Variants in PTPN21 observed in about 807,000 individuals in gnomAD.
The protein encoded by PTPN21 is tyrosine-protein phosphatase non-receptor type 21.
In PTPN21, 77 loss-of-function variants were observed where a neutral mutation model predicts 131.8. The ratio of observed to expected loss-of-function variants is 0.58; its 90% CI spans 0.49 to 0.71. The LOEUF is 0.71. Ranked by LOEUF, PTPN21 falls within the 30% of genes least tolerant of loss-of-function variation. PTPN21 has a pLI of 0.00. For synonymous variants in PTPN21, 715 were observed against 621.3 expected (o/e 1.15, Z -2.24); for missense variants, 1,552 against 1,527.1 (o/e 1.02, Z -0.27).
In PTPN21 at chr14:88,479,958, G is replaced by A. The variant is rs1217289143; in HGVS notation, c.1473C>T (p.Tyr491=). ...YAYSRPAALV[Y]SQPEIREHAQ... ...CGTGCTCGCGGATCTCGGGCTGGCT[G>A]TAGACCAGCGCCGCGGGCCTGCTGT... Residue 491 remains tyrosine (Y), a synonymous_variant, in exon 13 of 19, where the codon TAC becomes TAT. Transcript: ENST00000556564. 1.9e-6 allele frequency: 3 copies of A among 1,608,470 alleles called. No individual in the cohort carries two copies. The highest frequency in any genetic ancestry group is 1.1e-5 in the South Asian group (1 of 91,070).
At chr14:88,519,440 C>T (rs2078356243) in intron 2 of PTPN21, among the ~76,000 whole-genome samples, 1 of 152,076 alleles carries the variant, frequency 6.6e-6, no homozygotes, top group Non-Finnish European at 1.5e-5. Context: ...TAATATTATA[C>T]AATTTTAATT....
intron 2 of PTPN21, among the ~76,000 whole-genome samples, chr14:88,535,912 C>T (rs549379115): frequency 1.5e-4 from 23 of 152,162 alleles, no homozygotes; most frequent in Non-Finnish European, 2.4e-4. Context: ...TAATGGAGTT[C>T]GTTTAATTGT....
At chr14:88,474,334 C>T (rs1041371360) in intron 13 of PTPN21, among the ~76,000 whole-genome samples, 2 of 151,934 alleles carry the variant, frequency 1.3e-5, no homozygotes, top group Admixed American at 6.6e-5. Context: ...GGACTACCAG[C>T]ACATGCCACC....
intron 10 of PTPN21, among the ~76,000 whole-genome samples, chr14:88,486,549 G>A (rs766228145): frequency 3.9e-5 from 6 of 151,958 alleles, no homozygotes; most frequent in Non-Finnish European, 5.9e-5. Flanking sequence ...TCAAACCTAC[G>A]TATTTTTTAA....
intron 2 of PTPN21, among the ~76,000 whole-genome samples, chr14:88,546,184 C>CAT (rs1566855291): frequency 6.6e-6 from 1 of 150,840 alleles, no homozygotes; most frequent in African/African-American, 2.5e-5. Context: ...AAAAAATACC[C>CAT]ATATACCCAG....
chr14:88,505,069 A>G (rs1422535949), intron 5 of PTPN21, among the ~76,000 whole-genome samples: 4 of 152,150 alleles, frequency 2.6e-5, no homozygotes, highest in African/African-American at 9.7e-5. Flanking sequence ...TAGAAAACAA[A>G]TGTCTCCAGG....
chr14:88,526,508 C>G (rs2078478498), intron 2 of PTPN21, among the ~76,000 whole-genome samples: 1 of 129,524 alleles, frequency 7.7e-6, no homozygotes, highest in Non-Finnish European at 1.5e-5. Flanking sequence ...CAGGATCACA[C>G]CACTGCCCTT....
At position 88,467,462 on chromosome 14, in the gene PTPN21, G is replaced by A. The variant is rs892916068; in HGVS notation, c.*675C>T. On this transcript the variant is annotated 3_prime_UTR_variant, in exon 19 of 19. Transcript: ENST00000556564. ...TCATTTCAGTATCTAAATGAATTGA[G>A]CTCTCATTTGAAAAACAGAAGGTAC... 1 of 151,374 alleles carries A rather than the reference G, an allele frequency of 6.6e-6. No individual in the cohort carries two copies. Among genetic ancestry groups the A allele is most frequent in the Non-Finnish European group, 1.5e-5 (1 of 68,028 alleles). 9.4% of individuals were successfully genotyped at this position (151,374 alleles called of 1,614,324 possible). A position where few individuals can be genotyped will look rare whatever the true frequency, so the allele number is the denominator to read the frequency against.
At chr14:88,501,413 A>G (rs775334121) in intron 6 of PTPN21, 45 bp from the exon 7 acceptor site, 1 of 1,492,326 alleles carries the variant, frequency 6.7e-7, no homozygotes, top group Non-Finnish European at 9.3e-7. Flanking sequence ...CAAGCTTAAA[A>G]TGGTTTAAAA....
At chr14:88,472,537 A>G (rs2077487940) in intron 14 of PTPN21, 72 bp from the exon 15 acceptor site, 1 of 967,738 alleles carries the variant, frequency 1.0e-6, no homozygotes, top group African/African-American at 1.6e-5. Flanking sequence ...TGTATATTTG[A>G]AATCTTGTTT....
At position 88,479,713 on chromosome 14, in the gene PTPN21, C is replaced by G; in HGVS notation, c.1718G>C (p.Arg573Thr). Residue 573 changes from arginine (R) to threonine (T), a missense_variant, in exon 13 of 19, where the codon AGG becomes ACG. Arg to Thr is a moderately conservative substitution (Grantham distance 71). Around this residue, in one of 4 missense-constraint regions of PTPN21, gnomAD observed 1,016 missense variants for 883.5 expected, o/e 1.15. Transcript: ENST00000556564. ...CAGGTCTGGCGTGCTGTTGGCGGGC[C>G]TGGGGGGCGGGTAGGGTGGGGGTGG... ...YRPPPPYPPP[R>T]PANSTPDLSR... 2 of 266,794 alleles carry G rather than the reference C, an allele frequency of 7.5e-6. No homozygotes were observed. Among genetic ancestry groups the G allele is most frequent in the Non-Finnish European group, 1.2e-5 (2 of 161,590 alleles). The allele number at this position is 266,794 out of a possible 1,614,324, so 16.5% of individuals were successfully genotyped here.
chr14:88,518,032 G>C (rs2078307826), intron 2 of PTPN21, among the ~76,000 whole-genome samples: 2 of 146,980 alleles, frequency 1.4e-5, no homozygotes, highest in Non-Finnish European at 3.0e-5. Flanking sequence ...ACATTCCAGT[G>C]TCTAGGTCGT....
chr14:88,530,576 G>A (rs1200459253), intron 2 of PTPN21, among the ~76,000 whole-genome samples: 2 of 146,536 alleles, frequency 1.4e-5, no homozygotes, highest in South Asian at 4.2e-4. Flanking sequence ...TAAACTTAAG[G>A]TAAAGGAGTG....
chr14:88,505,086 G>A (rs575873840), intron 5 of PTPN21, among the ~76,000 whole-genome samples: 2 of 152,150 alleles, frequency 1.3e-5, no homozygotes, highest in Non-Finnish European at 2.9e-5. Flanking sequence ...CAGGCACAGT[G>A]CAGTGACTAC....
intron 2 of PTPN21, among the ~76,000 whole-genome samples, chr14:88,526,656 ATTTTAT>A (rs1431124053): frequency 6.6e-6 from 1 of 151,342 alleles, no homozygotes. Context: ...AAAGTAAATA[ATTTTAT>A]TTTTATTACA....
chr14:88,492,761 T>C (rs1442735864), intron 10 of PTPN21: 2 of 185,734 alleles, frequency 1.1e-5, no homozygotes, highest in Middle Eastern at 2.5e-3. Context: ...TCATTTACAA[T>C]CTGTAATAAA....
intron 13 of PTPN21, among the ~76,000 whole-genome samples, chr14:88,475,886 T>C (rs1051950751): frequency 6.6e-6 from 1 of 152,216 alleles, no homozygotes; most frequent in African/African-American, 2.4e-5. Context: ...AAAGCCAGTA[T>C]TGGAAGAATG....
chr14:88,479,355 G>A lies in PTPN21; in HGVS notation c.2076C>T (p.Gly692=). The change falls in exon 13 of 19, where the codon GGC becomes GGT. Residue 692 remains glycine (G), a synonymous_variant. Coordinates refer to ENST00000556564, the MANE Select transcript of PTPN21 (RefSeq NM_007039.4). ...TQREGPEEAE[G]LRYGHKKSLS... is the part of the protein sequence containing the mutation. ...GGGACTTCTTATGGCCGTACCTCAA[G>A]CCCTCCGCCTCCTCCGGCCCTTCTC... 1.2e-6 allele frequency: 2 copies of A among 1,613,072 alleles called. No individual in the cohort carries two copies. The highest frequency in any genetic ancestry group is 1.7e-6 in the Non-Finnish European group (2 of 1,179,662).
intron 14 of PTPN21, among the ~76,000 whole-genome samples, chr14:88,473,457 C>CA (rs2077500863): frequency 6.6e-6 from 1 of 152,048 alleles, no homozygotes; most frequent in African/African-American, 2.4e-5. Flanking sequence ...AACAAACAAA[C>CA]AAAAAATCAG....
Sources: allele counts gnomAD v4.1 joint callset (sites outside exome capture counted in the v4.1 genomes callset), GRCh38; gene constraint gnomAD v4.1.1; regional missense constraint gnomAD v4.1.1; transcripts MANE v1.5; gene names NCBI Gene and HGNC (gene_info 2026-07-23, HGNC 2026-07-21).